Variants in CLTCL1 observed in about 807,000 individuals in gnomAD.
The protein encoded by CLTCL1 is clathrin heavy chain 2.
CLTCL1 carries 159 observed loss-of-function variants against 190.0 expected under a neutral mutation model. The observed-to-expected ratio is 0.84, with a 90% CI of 0.74 to 0.95. CLTCL1 has a LOEUF of 0.95. Ranked by LOEUF, CLTCL1 falls within the 40% of genes least tolerant of loss-of-function variation. The pLI is 0.00. For synonymous variants in CLTCL1, 752 were observed against 769.6 expected (o/e 0.98, Z 0.38); for missense variants, 1,878 against 2,033.4 (o/e 0.92, Z 1.47).
chr22:19,180,691 C>A (rs372767924), intron 31 of CLTCL1, 40 bp downstream of exon 31: 65 of 1,604,390 alleles, frequency 4.1e-5, no homozygotes, highest in Non-Finnish European at 5.3e-5. Flanking sequence ...TCCCTCCCTG[C>A]TCCCTCCCCA....
intron 1 of CLTCL1, among the ~76,000 whole-genome samples, chr22:19,283,398 A>G (rs1455852119): frequency 6.6e-6 from 1 of 152,040 alleles, no homozygotes; most frequent in Non-Finnish European, 1.5e-5. Context: ...CTCATGCCTC[A>G]GCCTCCCAAG....
intron 1 of CLTCL1, among the ~76,000 whole-genome samples, chr22:19,284,027 A>C (rs895559069): frequency 1.3e-5 from 2 of 151,904 alleles, no homozygotes; most frequent in Admixed American, 1.3e-4. Context: ...ACACTGGGGA[A>C]TATGCAAAAA....
intron 1 of CLTCL1, among the ~76,000 whole-genome samples, chr22:19,282,560 T>C (rs1343927171): frequency 1.4e-5 from 2 of 140,762 alleles, no homozygotes; most frequent in Non-Finnish European, 3.1e-5. Context: ...ACCCAGGAGG[T>C]GGAGGCTGCA....
chr22:19,272,466 G>A (rs554986476), intron 2 of CLTCL1, among the ~76,000 whole-genome samples: 1 of 151,878 alleles, frequency 6.6e-6, no homozygotes, highest in Non-Finnish European at 1.5e-5. Context: ...ACAGAGTTTC[G>A]CTCTTTTTTG....
chr22:19,183,913 G>A, intron 29 of CLTCL1: 1 of 440,672 alleles, frequency 2.3e-6, no homozygotes, highest in Non-Finnish European at 4.2e-6. Flanking sequence ...GGAAGGCACT[G>A]ATGGGAGTTT....
intron 5 of CLTCL1, 106 bp downstream of exon 5, chr22:19,239,169 G>T: frequency 1.2e-6 from 1 of 850,818 alleles, no homozygotes; most frequent in Non-Finnish European, 2.0e-6. Context: ...CATCACAGTG[G>T]CAGGAGACAG....
chr22:19,257,808 G>C (rs1450669072), intron 2 of CLTCL1: 1 of 1,429,420 alleles, frequency 7.0e-7, no homozygotes, highest in Non-Finnish European at 9.3e-7. Flanking sequence ...CTCCTACCTG[G>C]ACAGAGTGAG....
intron 18 of CLTCL1, among the ~76,000 whole-genome samples, chr22:19,218,815 GC>G (rs1230966036): frequency 3.3e-5 from 5 of 152,206 alleles, no homozygotes; most frequent in Admixed American, 1.3e-4. Flanking sequence ...ACTCCCACCT[GC>G]CAGGCCATAC....
intron 1 of CLTCL1, among the ~76,000 whole-genome samples, chr22:19,284,370 T>C (rs184258550): frequency 5.9e-5 from 9 of 152,248 alleles, no homozygotes; most frequent in Non-Finnish European, 8.8e-5. Flanking sequence ...TTTTAAAACA[T>C]ACTTTGAGGG....
intron 1 of CLTCL1, among the ~76,000 whole-genome samples, chr22:19,289,237 C>T (rs1601757171): frequency 6.6e-6 from 1 of 152,300 alleles, no homozygotes; most frequent in South Asian, 2.1e-4. Flanking sequence ...CCCGCCTCGG[C>T]CTCCCAAAGT....
chr22:19,237,971 G>A (rs9618513), intron 5 of CLTCL1, among the ~76,000 whole-genome samples: 9 of 152,120 alleles, frequency 5.9e-5, no homozygotes, highest in African/African-American at 2.2e-4. Flanking sequence ...GTAAAAAGGA[G>A]AGTAGATTAT....
chr22:19,233,743 CA>C, intron 7 of CLTCL1, 121 bp from the exon 8 acceptor site: 8 of 838,482 alleles, frequency 9.5e-6, no homozygotes, highest in Non-Finnish European at 1.5e-5. Flanking sequence ...CTGTCATAGA[CA>C]AAAAGTCCTC....
At chr22:19,232,451 G>C (rs1555959487) in intron 10 of CLTCL1, 25 bp downstream of exon 10, 22 of 1,613,360 alleles carry the variant, frequency 1.4e-5, no homozygotes, top group Non-Finnish European at 1.8e-5. Flanking sequence ...GCCACAAAAA[G>C]TTGTCCAAAA....
chr22:19,202,420 C>CCCCAACCACCCCTCCTT (rs1555940290), intron 22 of CLTCL1, among the ~76,000 whole-genome samples: 1 of 151,644 alleles, frequency 6.6e-6, no homozygotes, highest in African/African-American at 2.4e-5. Flanking sequence ...CACGGCACCT[C>CCCCAACCACCCCTCCTT]CCGCACCACC....
intron 2 of CLTCL1, among the ~76,000 whole-genome samples, chr22:19,266,729 A>G (rs2087133121): frequency 6.6e-6 from 1 of 152,242 alleles, no homozygotes; most frequent in African/African-American, 2.4e-5. Context: ...GATTTACCAC[A>G]GGAATGCAAG....
chr22:19,256,651 C>T (rs181394210), intron 2 of CLTCL1, among the ~76,000 whole-genome samples: 1,657 of 151,754 alleles, frequency 0.011, 12 homozygotes, highest in Non-Finnish European at 0.019. Flanking sequence ...AGCCACCATG[C>T]CCAGTCTAAT....
rs890678394 is a variant in CLTCL1 at position 19,242,166 on chromosome 22, C to T, written c.681+609G>A. On this transcript the variant is annotated intron_variant, in intron 4 of 32. Transcript: ENST00000427926. ...CTGTATTGTCCAGGCTGGTGTAGAA[C>T]TCCTGAGCTCAGGCAATCCACCCAC... Among the ~76,000 whole-genome samples the T allele has an allele frequency of 2.0e-5, 3 of 152,088 alleles. No homozygotes were observed. In the South Asian group the frequency reaches 6.2e-4, roughly 32 times the overall value.
intron 2 of CLTCL1, among the ~76,000 whole-genome samples, chr22:19,264,210 G>A (rs1351371302): frequency 1.3e-5 from 2 of 151,122 alleles, no homozygotes; most frequent in Non-Finnish European, 2.9e-5. Context: ...GAGGTAGGAG[G>A]ATAGCTTGAG....
Position 19,239,866 on chromosome 22 carries a change from G to A in CLTCL1, c.682-478C>T, listed in dbSNP as rs138720516. Among the ~76,000 whole-genome samples, 10 of 152,200 alleles carry A rather than the reference G, an allele frequency of 6.6e-5. No homozygotes were observed. The East Asian group carries it at 1.7e-3, about 26-fold the overall frequency. On this transcript the variant is annotated intron_variant, in intron 4 of 32. Coordinates refer to ENST00000427926, the MANE Select transcript of CLTCL1 (RefSeq NM_007098.4). ...TGCTGGGCGGGGGTAAGAATCTGAT[G>A]AGGGAGCCCATCCCTGCCTTATGAG...
Sources: gnomAD v4.1 joint callset for allele counts (sites outside exome capture counted in the v4.1 genomes callset) on GRCh38, gnomAD v4.1.1 for gene constraint, MANE v1.5 for transcripts, NCBI Gene and HGNC (gene_info 2026-07-23, HGNC 2026-07-21) for gene names.